RFX3: variants seen among roughly 807,000 people sequenced by gnomAD.
RFX3 encodes transcription factor RFX3.
Under a neutral mutation model 98.6 loss-of-function variants are expected in RFX3, and 14 were observed. That is an observed-to-expected ratio of 0.14 (90% confidence interval 0.09 to 0.22). RFX3 has a LOEUF of 0.22. Ranked by LOEUF, RFX3 falls within the 10% of genes least tolerant of loss-of-function variation. The pLI is 1.00. For missense variants in RFX3, 639 were observed against 926.9 expected, an observed-to-expected ratio of 0.69 and a Z score of 4.03; for synonymous variants, 383 against 328.4, an observed-to-expected ratio of 1.17 and a Z score of -1.80.
At chr9:3,350,860 G>C (rs1835024853) in intron 2 of RFX3, among the ~76,000 whole-genome samples, 1 of 152,084 alleles carries the variant, frequency 6.6e-6, no homozygotes, top group Non-Finnish European at 1.5e-5. Context: ...ACATACTGTA[G>C]GATTTCAACT....
At chr9:3,334,288 A>G (rs1832914015) in intron 3 of RFX3, among the ~76,000 whole-genome samples, 1 of 147,606 alleles carries the variant, frequency 6.8e-6, no homozygotes, top group South Asian at 2.1e-4. Context: ...TAGATGATGT[A>G]CTTGCAATTG....
chr9:3,474,057 T>A (rs1849004406), intron 1 of RFX3, among the ~76,000 whole-genome samples: 1 of 152,288 alleles, frequency 6.6e-6, no homozygotes, highest in East Asian at 1.9e-4. Flanking sequence ...TGCTATGAAA[T>A]TCCCATGATG....
At chr9:3,315,160 T>G (rs1230808706) in intron 4 of RFX3, among the ~76,000 whole-genome samples, 1 of 152,064 alleles carries the variant, frequency 6.6e-6, no homozygotes, top group Admixed American at 6.5e-5. Flanking sequence ...AGAACAGAAA[T>G]TATAACAAAC....
chr9:3,375,193 G>C (rs1838321559), intron 2 of RFX3, among the ~76,000 whole-genome samples: 1 of 152,096 alleles, frequency 6.6e-6, no homozygotes, highest in South Asian at 2.1e-4. Flanking sequence ...GATTACTACT[G>C]ATCTCTTTCC....
intron 1 of RFX3, among the ~76,000 whole-genome samples, chr9:3,468,255 G>C (rs150092268): frequency 2.6e-3 from 402 of 152,252 alleles, no homozygotes; most frequent in Non-Finnish European, 4.6e-3. Flanking sequence ...TCTAAAATTT[G>C]TAAGTATCAT....
chr9:3,421,608 G>A (rs887359872), intron 1 of RFX3, among the ~76,000 whole-genome samples: 23 of 152,272 alleles, frequency 1.5e-4, no homozygotes, highest in African/African-American at 5.5e-4. Flanking sequence ...TGACCTATAT[G>A]AATTCATTTG....
chr9:3,291,809 A>C (rs1025467631), intron 6 of RFX3, among the ~76,000 whole-genome samples: 1 of 151,372 alleles, frequency 6.6e-6, no homozygotes, highest in Non-Finnish European at 1.5e-5. Flanking sequence ...AAGATTAAAA[A>C]CTCTTCACTT....
At position 3,330,493 on chromosome 9, in the gene RFX3, T is replaced by G. The variant is rs749874975; in HGVS notation, c.240A>C (p.Thr80=). The part of the protein sequence containing the change: ...GAIRTTTYPY[T]ETQMYSQNTG... ...TATTTTGGCTGTACATCTGTGTCTC[T>G]GTGTAAGGATACGTTGTTGTTCGGC... The change falls in exon 4 of 17, where the codon ACA becomes ACC. Residue 80 remains threonine, a synonymous_variant. Coordinates refer to ENST00000617270, the MANE Select transcript of RFX3 (RefSeq NM_001282116.2). 2 of 1,612,588 alleles carry G rather than the reference T, an allele frequency of 1.2e-6. No homozygotes were observed.
intron 1 of RFX3, among the ~76,000 whole-genome samples, chr9:3,410,015 T>A (rs1344343755): frequency 6.6e-6 from 1 of 152,116 alleles, no homozygotes; most frequent in East Asian, 1.9e-4. Context: ...ACGCGCAAAG[T>A]GCTTACTACA....
rs563589254 is a variant in RFX3 at position 3,255,413 on chromosome 9, C to A, written c.1814+1578G>T. Among the ~76,000 whole-genome samples the A allele has an allele frequency of 1.5e-3, 227 of 152,312 alleles. 1 individual carries two copies. Among genetic ancestry groups the A allele is most frequent in the African/African-American group, 5.1e-3 (210 of 41,564 alleles). The stretch of plus-strand genomic sequence containing the variant: ...TCACCACTGATGTCCAGAGGATGAC[C>A]ATAGTGTAGCCACAGCTACAGTCAG... On this transcript the variant is annotated intron_variant, in intron 14 of 16. Coordinates refer to ENST00000617270, the MANE Select transcript of RFX3 (RefSeq NM_001282116.2).
At chr9:3,516,644 T>G (rs1360708060) in intron 1 of RFX3, among the ~76,000 whole-genome samples, 2 of 152,092 alleles carry the variant, frequency 1.3e-5, no homozygotes, top group African/African-American at 4.8e-5. Flanking sequence ...GGGGAAGAAA[T>G]GTCTTAAAAA....
chr9:3,412,528 G>A (rs1842547125), intron 1 of RFX3, among the ~76,000 whole-genome samples: 1 of 152,100 alleles, frequency 6.6e-6, no homozygotes, highest in Admixed American at 6.5e-5. Context: ...TCTTGAGAGG[G>A]CTCTAAACAA....
chr9:3,505,252 G>GAATATATATTTATATATATATA (rs1816864976), intron 1 of RFX3, among the ~76,000 whole-genome samples: 1 of 62,858 alleles, frequency 1.6e-5, no homozygotes, highest in Non-Finnish European at 2.3e-5. Context: ...ATATATATAT[G>GAATATATATTTATATATATATA]AATATATATT....
intron 7 of RFX3, among the ~76,000 whole-genome samples, chr9:3,283,849 T>C (rs1362103301): frequency 7.3e-6 from 1 of 137,326 alleles, no homozygotes; most frequent in Non-Finnish European, 1.5e-5. Flanking sequence ...TATGCAAAAA[T>C]TTTATTACGT....
intron 2 of RFX3, among the ~76,000 whole-genome samples, chr9:3,358,802 GA>G (rs902286430): frequency 1.3e-5 from 2 of 152,090 alleles, no homozygotes; most frequent in Non-Finnish European, 2.9e-5. Context: ...AATCATGGCA[GA>G]AGGGGAAGCA....
intron 1 of RFX3, among the ~76,000 whole-genome samples, chr9:3,441,565 C>A (rs1008444348): frequency 3.3e-5 from 5 of 151,772 alleles, no homozygotes; most frequent in African/African-American, 1.2e-4. Flanking sequence ...AAAATGTGCT[C>A]AACAAAAAAG....
At chr9:3,479,912 C>T (rs775846233) in intron 1 of RFX3, among the ~76,000 whole-genome samples, 2 of 152,116 alleles carry the variant, frequency 1.3e-5, no homozygotes, top group African/African-American at 4.8e-5. Flanking sequence ...GCCAAAATCG[C>T]GGGCTTCTGG....
chr9:3,225,608 A>G (rs495665), intron 16 of RFX3, among the ~76,000 whole-genome samples: 121,645 of 152,092 alleles, frequency 0.8, 51,615 homozygotes, highest in East Asian at 0.97. Context: ...TCATAATAAA[A>G]TAGTCACTTT....
At chr9:3,437,024 T>G (rs1324206773) in intron 1 of RFX3, among the ~76,000 whole-genome samples, 1 of 152,086 alleles carries the variant, frequency 6.6e-6, no homozygotes, top group African/African-American at 2.4e-5. Context: ...ATCCTAGCAG[T>G]TTTCTTTTAT....
Sources: allele counts gnomAD v4.1 joint callset (sites outside exome capture counted in the v4.1 genomes callset), GRCh38; gene constraint gnomAD v4.1.1; transcripts MANE v1.5; gene names NCBI Gene and HGNC (gene_info 2026-07-23, HGNC 2026-07-21).